BLM: variants seen among roughly 807,000 people sequenced by gnomAD.
BLM encodes the protein BLM RecQ like helicase, also known as recQ-like DNA helicase BLM.
In BLM, 95 loss-of-function variants were observed where a neutral mutation model predicts 135.3. The observed-to-expected ratio is 0.70, with a 90% CI of 0.59 to 0.83. The LOEUF is 0.83. BLM is among the 40% of genes least tolerant of loss of function. BLM has a pLI of 0.00. For missense variants in BLM, 1,518 were observed against 1,663.9 expected (o/e 0.91, Z 1.53); for synonymous variants, 520 against 589.2 (o/e 0.88, Z 1.70).
At chr15:90,809,399 C>A in intron 20 of BLM, 140 bp downstream of exon 20, 3 of 1,355,316 alleles carry the variant, frequency 2.2e-6, no homozygotes, top group Admixed American at 1.7e-5. Flanking sequence ...CAGTGGTGTG[C>A]CAGTCACCTC....
chr15:90,783,869 C>T (rs915180298), intron 13 of BLM, among the ~76,000 whole-genome samples: 5 of 152,048 alleles, frequency 3.3e-5, no homozygotes, highest in Middle Eastern at 6.8e-3. Flanking sequence ...CCGGCCTGGG[C>T]GACAGAGCAA....
Position 90,751,819 on chromosome 15 carries a change from G to A in BLM, c.832G>A (p.Ala278Thr), listed in dbSNP as rs1236952637. 2 of 1,612,944 alleles carry A rather than the reference G, an allele frequency of 1.2e-6. No homozygotes were observed. Among genetic ancestry groups the A allele is most frequent in the Middle Eastern group, 1.7e-4 (1 of 6,060 alleles). Residue 278 changes from alanine (A) to threonine (T), a missense_variant, in exon 4 of 22, where the codon GCT (alanine) becomes ACT (threonine). Ala to Thr is a moderately conservative substitution (Grantham distance 58, BLOSUM62 0). Coordinates refer to ENST00000355112, the MANE Select transcript of BLM (RefSeq NM_000057.4). ...NSEKKKNLEE[A>T]ELHSTEKVPC... ...CGAAAAGAAGAAGAATTTGGAAGAA[G>A]CTGAATTACATTCAACTGAGAAAGT...
At position 90,784,941 on chromosome 15, in the gene BLM, T is replaced by G. The variant is rs587779883; in HGVS notation, c.2683T>G (p.Cys895Gly). 5 of 1,613,910 alleles carry G rather than the reference T, an allele frequency of 3.1e-6. No individual in the cohort carries two copies. Among genetic ancestry groups the G allele is most frequent in the African/African-American group, 1.3e-5 (1 of 75,046 alleles). The change falls in exon 14 of 22, where the codon TGC becomes GGC. Residue 895 changes from cysteine to glycine, a missense_variant. By Grantham distance (159) the Cys-to-Gly change is radical. Coordinates refer to ENST00000355112, the MANE Select transcript of BLM (RefSeq NM_000057.4). Reference protein sequence around the residue: ...HHPYDSGIIYCLSRRECDTMA... With the variant: ...HHPYDSGIIYGLSRRECDTMA... The stretch of plus-strand genomic sequence containing the variant: ...GGCAGATGATTCAGGGATAATTTAC[T>G]GCCTCTCCAGGCGAGAATGTGACAC...
At chr15:90,725,645 C>T (rs1033921342) in intron 1 of BLM, among the ~76,000 whole-genome samples, 2 of 151,226 alleles carry the variant, frequency 1.3e-5, no homozygotes, top group Non-Finnish European at 2.9e-5. Context: ...GGACTACAGG[C>T]GCCCGCCACC....
At chr15:90,729,246 G>T (rs1010904575) in intron 1 of BLM, among the ~76,000 whole-genome samples, 1 of 152,134 alleles carries the variant, frequency 6.6e-6, no homozygotes, top group African/African-American at 2.4e-5. Context: ...GGAGACAGAG[G>T]TTGCAGTTTG....
At chr15:90,800,950 C>A (rs1361843623) in intron 17 of BLM, among the ~76,000 whole-genome samples, 5 of 152,060 alleles carry the variant, frequency 3.3e-5, no homozygotes, top group Non-Finnish European at 7.4e-5. Flanking sequence ...GAGTTTGAGA[C>A]CAGCCTGGCC....
intron 1 of BLM, among the ~76,000 whole-genome samples, chr15:90,733,074 C>G (rs1895110214): frequency 6.6e-6 from 1 of 151,612 alleles, no homozygotes; most frequent in Non-Finnish European, 1.5e-5. Flanking sequence ...GCCTGGGTGA[C>G]AGAGTGAGAC....
intron 3 of BLM, 48 bp downstream of exon 3, chr15:90,750,115 A>G (rs1366394575): frequency 7.0e-6 from 11 of 1,582,292 alleles, no homozygotes; most frequent in Non-Finnish European, 9.5e-6. Context: ...GTACTTTTTT[A>G]TTCAAAGCTA....
At chr15:90,780,187 C>T (rs1377662925) in intron 12 of BLM, among the ~76,000 whole-genome samples, 1 of 151,042 alleles carries the variant, frequency 6.6e-6, no homozygotes, top group African/African-American at 2.4e-5. Flanking sequence ...CAGGTTCAAG[C>T]GATTCTCCTG....
intron 6 of BLM, 73 bp downstream of exon 6, chr15:90,760,352 C>T (rs913564488): frequency 6.3e-7 from 1 of 1,585,224 alleles, no homozygotes. Flanking sequence ...ATGGACAGGG[C>T]AAAATGTTCA....
chr15:90,807,644 C>A (rs1897314024), intron 19 of BLM, among the ~76,000 whole-genome samples: 1 of 152,096 alleles, frequency 6.6e-6, no homozygotes, highest in South Asian at 2.1e-4. Flanking sequence ...AGCAATCCGC[C>A]CTGTCTCAGC....
rs2151194319 is a variant in BLM, at chr15:90,803,639, A to G, written c.3477A>G (p.Leu1159=). 6.2e-7 allele frequency: 1 copy of G among 1,614,200 alleles called. No homozygotes were observed. The highest frequency in any genetic ancestry group is 8.5e-7 in the Non-Finnish European group (1 of 1,180,026). The change falls in exon 18 of 22, where the codon TTA becomes TTG. Residue 1159 remains leucine, a synonymous_variant. Transcript: ENST00000355112. ...TTGACAAGATTTTGGATGAAGACTT[A>G]TATATCAATGCCAATGACCAGGCGA... is the stretch of plus-strand genomic sequence containing the variant. ...LILDKILDED[L]YINANDQAIA...
intron 13 of BLM, 80 bp downstream of exon 13, chr15:90,783,008 A>T: frequency 8.8e-7 from 1 of 1,136,886 alleles, no homozygotes. Flanking sequence ...AAAATTGCAT[A>T]TTAAACATTC....
chr15:90,781,992 A>G (rs1237330919), intron 12 of BLM, among the ~76,000 whole-genome samples: 2 of 152,198 alleles, frequency 1.3e-5, no homozygotes, highest in Admixed American at 6.5e-5. Flanking sequence ...ATCTAGTCCC[A>G]TAAACATTCC....
intron 2 of BLM, among the ~76,000 whole-genome samples, chr15:90,748,202 G>A (rs1293116770): frequency 1.3e-5 from 2 of 151,064 alleles, no homozygotes; most frequent in South Asian, 2.1e-4. Flanking sequence ...TCCGTCTTCC[G>A]GGTTCAAGTG....
At chr15:90,800,982 T>C (rs568418096) in intron 17 of BLM, among the ~76,000 whole-genome samples, 1 of 152,030 alleles carries the variant, frequency 6.6e-6, no homozygotes, top group East Asian at 1.9e-4. Flanking sequence ...ACCTCATCTC[T>C]ACAAAAAAAT....
chr15:90,724,391 C>G (rs997301924), intron 1 of BLM, among the ~76,000 whole-genome samples: 1 of 152,184 alleles, frequency 6.6e-6, no homozygotes, highest in Admixed American at 6.5e-5. Context: ...CCTCTCTACT[C>G]TGTACCCATA....
At chr15:90,809,065 G>A (rs56278783) in intron 19 of BLM, 72 bp from the exon 20 acceptor site, 44 of 1,595,002 alleles carry the variant, frequency 2.8e-5, no homozygotes, top group South Asian at 2.7e-4. Context: ...TGCTGAATGC[G>A]TGAATGAGCC....
intron 12 of BLM, among the ~76,000 whole-genome samples, chr15:90,779,094 C>G (rs1896554891): frequency 6.6e-6 from 1 of 152,048 alleles, no homozygotes; most frequent in South Asian, 2.1e-4. Flanking sequence ...CCCATATTGG[C>G]CAGGCTGGTC....
Sources: gnomAD v4.1 joint callset for allele counts (sites outside exome capture counted in the v4.1 genomes callset) on GRCh38, gnomAD v4.1.1 for gene constraint, MANE v1.5 for transcripts, NCBI Gene and HGNC (gene_info 2026-07-23, HGNC 2026-07-21) for gene names.